The following NME7 variants were observed in gnomAD, a reference collection of about 807,000 sequenced individuals.
NME7 encodes NME/NM23 family member 7, also known as nucleoside diphosphate kinase 7.
NME7 carries 41 observed loss-of-function variants against 49.1 expected under a neutral mutation model. The ratio of observed to expected loss-of-function variants is 0.83; its 90% CI spans 0.65 to 1.08. The LOEUF is 1.08. NME7 is among the 50% of genes least tolerant of loss of function. The pLI is 0.00. For missense variants in NME7, 423 were observed against 463.4 expected, an observed-to-expected ratio of 0.91 and a Z score of 0.80; for synonymous variants, 139 against 150.6, an observed-to-expected ratio of 0.92 and a Z score of 0.56.
chr1:169,303,980 G>A (rs1180197328), intron 4 of NME7, among the ~76,000 whole-genome samples: 1 of 151,996 alleles, frequency 6.6e-6, no homozygotes, highest in Non-Finnish European at 1.5e-5. Context: ...TCTCTCCAAA[G>A]GAAAGACTAC....
At chr1:169,141,193 C>A (rs2420009) in intron 11 of NME7, among the ~76,000 whole-genome samples, 67,101 of 151,656 alleles carry the variant, frequency 0.44, 15,260 homozygotes, top group East Asian at 0.79. Context: ...TAGGTGCCTC[C>A]GAAATCAGAG....
intron 1 of NME7, among the ~76,000 whole-genome samples, chr1:169,341,233 C>A (rs1652686915): frequency 6.6e-6 from 1 of 152,150 alleles, no homozygotes; most frequent in South Asian, 2.1e-4. Context: ...CCAGCTCAAG[C>A]CGAGGCTAAA....
intron 1 of NME7, among the ~76,000 whole-genome samples, chr1:169,358,136 T>G (rs1653526563): frequency 6.6e-6 from 1 of 152,070 alleles, no homozygotes; most frequent in South Asian, 2.1e-4. Context: ...ACCATTAACC[T>G]CAAATATTTA....
At chr1:169,238,862 C>T (rs900991777) in intron 7 of NME7, among the ~76,000 whole-genome samples, 3 of 152,016 alleles carry the variant, frequency 2.0e-5, no homozygotes, top group African/African-American at 7.2e-5. Flanking sequence ...TGGCAAATAA[C>T]ATCTTCTGTC....
Position 169,169,587 on chromosome 1 carries a change from T to C in NME7, c.991-33A>G, listed in dbSNP as rs201355964. 1.9e-5 allele frequency: 30 copies of C among 1,566,850 alleles called. No homozygotes were observed. In the African/African-American group the frequency reaches 3.8e-4, roughly 20 times the overall value. On this transcript the variant is annotated intron_variant, in intron 10 of 11. Transcript: ENST00000367811. ...ACATACATTCACATATAGATTAATG[T>C]TAGTCATATGGTATAAATAAGAAAA... is the stretch of plus-strand genomic sequence containing the variant.
At chr1:169,314,502 T>C (rs1348848583) in intron 3 of NME7, among the ~76,000 whole-genome samples, 1 of 151,726 alleles carries the variant, frequency 6.6e-6, no homozygotes, top group Non-Finnish European at 1.5e-5. Context: ...AATAAGATAA[T>C]AAAACAGGCA....
intron 10 of NME7, among the ~76,000 whole-genome samples, chr1:169,195,779 A>C (rs1162811594): frequency 6.6e-6 from 1 of 152,230 alleles, no homozygotes; most frequent in Non-Finnish European, 1.5e-5. Context: ...ACTATGTACC[A>C]GACACTTTTC....
chr1:169,324,144 C>T (rs1446370578), intron 2 of NME7, among the ~76,000 whole-genome samples: 5 of 151,840 alleles, frequency 3.3e-5, no homozygotes, highest in African/African-American at 9.7e-5. Context: ...CATGAGGCAC[C>T]GCGCCCAGCC....
At chr1:169,210,812 A>G (rs1167568803) in intron 10 of NME7, among the ~76,000 whole-genome samples, 1 of 152,104 alleles carries the variant, frequency 6.6e-6, no homozygotes, top group Non-Finnish European at 1.5e-5. Context: ...CTGAACAATT[A>G]TCAGCTACCC....
intron 1 of NME7, among the ~76,000 whole-genome samples, chr1:169,330,419 C>T (rs1652210932): frequency 6.6e-6 from 1 of 152,124 alleles, no homozygotes; most frequent in South Asian, 2.1e-4. Flanking sequence ...GTGGATCACA[C>T]CTGTAATCCC....
chr1:169,193,811 A>G (rs1046721298), intron 10 of NME7, among the ~76,000 whole-genome samples: 24 of 152,296 alleles, frequency 1.6e-4, no homozygotes, highest in Non-Finnish European at 2.9e-4. Context: ...AACAACGAAC[A>G]TATTTATTCT....
chr1:169,177,208 C>A (rs1212200549), intron 10 of NME7, among the ~76,000 whole-genome samples: 4 of 152,152 alleles, frequency 2.6e-5, no homozygotes. Flanking sequence ...CTGGGACCCA[C>A]TCTTGGCACT....
At chr1:169,312,746 T>C (rs1651448285) in intron 3 of NME7, among the ~76,000 whole-genome samples, 1 of 152,194 alleles carries the variant, frequency 6.6e-6, no homozygotes. Flanking sequence ...CCAGACAGTA[T>C]AGTGCTATTG....
intron 10 of NME7, among the ~76,000 whole-genome samples, chr1:169,182,608 T>G (rs1334921883): frequency 6.6e-6 from 1 of 152,196 alleles, no homozygotes; most frequent in African/African-American, 2.4e-5. Flanking sequence ...TAGGTTTTAG[T>G]GGTCTGCTAA....
At chr1:169,261,392 C>T (rs977437664) in intron 7 of NME7, among the ~76,000 whole-genome samples, 6 of 133,424 alleles carry the variant, frequency 4.5e-5, no homozygotes, top group Admixed American at 1.5e-4. Context: ...CAAGATTTAC[C>T]GTTATTTTCA....
intron 10 of NME7, among the ~76,000 whole-genome samples, chr1:169,182,139 G>A (rs1297294703): frequency 5.5e-5 from 8 of 144,754 alleles, no homozygotes; most frequent in Non-Finnish European, 9.0e-5. Context: ...AGAGTAGCTC[G>A]GACTACAGGT....
intron 10 of NME7, among the ~76,000 whole-genome samples, chr1:169,181,134 TTATCTATCTATCTATC>T (rs60560425): frequency 8.9e-5 from 11 of 123,986 alleles, no homozygotes; most frequent in African/African-American, 1.9e-4. Flanking sequence ...TCCTATCTAT[TTATCTATCTATCTATC>T]TATCTATCTA....
chr1:169,260,648 T>C lies in NME7; in HGVS notation c.755-22961A>G, dbSNP rs779328664. ...GGAGGAAACTCTTGTCTTCCTTTTG[T>C]CATTGTGCAATTACGCAGATGTTTA... On this transcript the variant is annotated intron_variant, in intron 7 of 11. Transcript: ENST00000367811. 1.1e-4 allele frequency among the ~76,000 whole-genome samples: 15 copies of C among 132,404 alleles called. 4 individuals are homozygous for C. The highest frequency in any genetic ancestry group is 1.8e-4 in the Non-Finnish European group (10 of 56,578). 86.9% of individuals were successfully genotyped at this position (132,404 alleles called of 152,430 possible).
intron 9 of NME7, among the ~76,000 whole-genome samples, chr1:169,233,472 G>T (rs2101823165): frequency 6.6e-6 from 1 of 152,276 alleles, no homozygotes; most frequent in South Asian, 2.1e-4. Flanking sequence ...GATGAGGCCA[G>T]ACCATGCAGG....
Sources: gnomAD v4.1 joint callset for allele counts (sites outside exome capture counted in the v4.1 genomes callset) on GRCh38, gnomAD v4.1.1 for gene constraint, MANE v1.5 for transcripts, NCBI Gene and HGNC (gene_info 2026-07-23, HGNC 2026-07-21) for gene names.